PCBP3: variants seen among roughly 807,000 people sequenced by gnomAD.
The protein encoded by PCBP3 is poly(rC) binding protein 3.
In PCBP3, 25 loss-of-function variants were observed where a neutral mutation model predicts 52.7. That is an observed-to-expected ratio of 0.47 (90% CI 0.35 to 0.66). PCBP3 has a LOEUF of 0.66. Among genes scored for constraint, PCBP3 ranks in the 30% least tolerant of loss-of-function variants. The pLI is 0.01. For missense variants in PCBP3, 391 were observed against 490.3 expected (o/e 0.80, Z 1.91); for synonymous variants, 162 against 183.0 (o/e 0.89, Z 0.93).
At chr21:45,854,887 A>T (rs2094208831) in intron 5 of PCBP3, among the ~76,000 whole-genome samples, 1 of 152,180 alleles carries the variant, frequency 6.6e-6, no homozygotes, top group South Asian at 2.1e-4. Context: ...GTGGTCTGAG[A>T]AGTAAGTAGC....
At chr21:45,728,057 A>G (rs2085187980) in intron 2 of PCBP3, among the ~76,000 whole-genome samples, 1 of 152,070 alleles carries the variant, frequency 6.6e-6, no homozygotes, top group Non-Finnish European at 1.5e-5. Context: ...CAAATTCTAG[A>G]ATTAGATTAG....
intron 5 of PCBP3, among the ~76,000 whole-genome samples, chr21:45,867,422 G>A (rs1569371922): frequency 6.6e-6 from 1 of 152,236 alleles, no homozygotes; most frequent in African/African-American, 2.4e-5. Flanking sequence ...GACCTGACAC[G>A]GGCGTGCGGG....
At chr21:45,676,743 G>C (rs935727032) in intron 2 of PCBP3, among the ~76,000 whole-genome samples, 3 of 151,968 alleles carry the variant, frequency 2.0e-5, no homozygotes, top group Non-Finnish European at 4.4e-5. Flanking sequence ...CAGGTGAAAG[G>C]AAGGGTTGCA....
At chr21:45,815,524 A>G (rs377491999) in intron 4 of PCBP3, among the ~76,000 whole-genome samples, 33 of 26,628 alleles carry the variant, frequency 1.2e-3, no homozygotes, top group African/African-American at 1.6e-3. Context: ...GTGGTGAGTG[A>G]TGAGTGAGTG....
At chr21:45,764,153 G>C (rs1363372138) in intron 4 of PCBP3, among the ~76,000 whole-genome samples, 2 of 101,420 alleles carry the variant, frequency 2.0e-5, no homozygotes, top group Non-Finnish European at 3.9e-5. Flanking sequence ...ATGAAGTTTT[G>C]CTCTTGTTGC....
At chr21:45,931,218 G>C (rs1031839437) in intron 15 of PCBP3, among the ~76,000 whole-genome samples, 1 of 152,256 alleles carries the variant, frequency 6.6e-6, no homozygotes, top group African/African-American at 2.4e-5. Context: ...TCATTCCTCA[G>C]ATACTGTGGG....
chr21:45,937,908 G>C (rs2077049483), intron 16 of PCBP3, among the ~76,000 whole-genome samples: 1 of 152,248 alleles, frequency 6.6e-6, no homozygotes, highest in African/African-American at 2.4e-5. Context: ...GGCATGCCCT[G>C]GCTGCTCAAT....
chr21:45,733,064 T>A (rs1487576900), intron 2 of PCBP3, among the ~76,000 whole-genome samples: 2 of 152,244 alleles, frequency 1.3e-5, no homozygotes. Context: ...GTAGTTTCTG[T>A]CTGCACAGAT....
chr21:45,782,605 T>C (rs1235174467), intron 4 of PCBP3, among the ~76,000 whole-genome samples: 1 of 152,148 alleles, frequency 6.6e-6, no homozygotes, highest in Admixed American at 6.5e-5. Context: ...AAGTAGGGGA[T>C]CAGAAAAATA....
At chr21:45,789,248 C>T (rs1319718559) in intron 4 of PCBP3, among the ~76,000 whole-genome samples, 3 of 152,060 alleles carry the variant, frequency 2.0e-5, no homozygotes, top group East Asian at 3.9e-4. Flanking sequence ...AGTGTGTGCA[C>T]GTGTGTGTGT....
At position 45,693,663 on chromosome 21, in the gene PCBP3, G is replaced by A. The variant is rs536863369; in HGVS notation, c.-200+24711G>A. On this transcript the variant is annotated intron_variant, in intron 2 of 17. Coordinates refer to ENST00000681687, the MANE Select transcript of PCBP3 (RefSeq NM_001384156.1). Reference sequence around the variant, plus strand: ...AAGATGAAGAATTTCAATGCTGACAGAAAACTGTCAATCTAGAATTCTATA... The same window carrying A: ...AAGATGAAGAATTTCAATGCTGACAAAAAACTGTCAATCTAGAATTCTATA... Among the ~76,000 whole-genome samples, 8 of 152,236 alleles carry A rather than the reference G, an allele frequency of 5.3e-5. No individual in the cohort carries two copies. The South Asian group carries it at 1.7e-3, about 32-fold the overall frequency.
At chr21:45,804,918 C>G (rs1351356838) in intron 4 of PCBP3, among the ~76,000 whole-genome samples, 1 of 151,988 alleles carries the variant, frequency 6.6e-6, no homozygotes, top group East Asian at 1.9e-4. Context: ...CAGAGCTGGG[C>G]ATGGTTGAAA....
chr21:45,800,949 C>T lies in PCBP3; in HGVS notation c.-126+45497C>T, dbSNP rs993096789. ...ATGGGGTGCCTGAGCATGGGGTTCC[C>T]GCCTCCTCCAGGACTTGTTGCCCGT... On this transcript the variant is annotated intron_variant, in intron 4 of 17. Transcript: ENST00000681687. This position sits in a 1 kb window ranked among gnomAD's most constrained non-coding sequence, Gnocchi z 5.3. Among the ~76,000 whole-genome samples the T allele has an allele frequency of 2.6e-5, 4 of 152,198 alleles. No homozygotes were observed. The highest frequency in any genetic ancestry group is 9.7e-5 in the African/African-American group (4 of 41,438).
chr21:45,681,471 T>C (rs965259295), intron 2 of PCBP3, among the ~76,000 whole-genome samples: 7 of 152,206 alleles, frequency 4.6e-5, no homozygotes, highest in Non-Finnish European at 7.3e-5. Flanking sequence ...TACATCCTGA[T>C]AAACCCATTG....
intron 1 of PCBP3, among the ~76,000 whole-genome samples, chr21:45,646,107 C>CTCTGTGTGTGTGTGTGTG (rs1555895746): frequency 1.2e-3 from 101 of 83,814 alleles, no homozygotes; most frequent in South Asian, 4.4e-3. Context: ...CTCTCTCTCT[C>CTCTGTGTGTGTGTGTGTG]TGTGTGTGTG....
intron 4 of PCBP3, among the ~76,000 whole-genome samples, chr21:45,820,985 G>A (rs1159114040): frequency 6.6e-5 from 10 of 152,180 alleles, no homozygotes; most frequent in Non-Finnish European, 2.9e-5. Context: ...TCTGAGGAGT[G>A]CGTTCTGAGA....
intron 5 of PCBP3, among the ~76,000 whole-genome samples, chr21:45,893,530 C>T (rs1045103069): frequency 1.8e-5 from 1 of 56,280 alleles, no homozygotes; most frequent in African/African-American, 1.6e-4. Context: ...GCCTGAGGCA[C>T]ATCTGCAGAT....
At chr21:45,752,758 A>C (rs2087641932) in intron 3 of PCBP3, 1 of 152,002 alleles carries the variant, frequency 6.6e-6, no homozygotes, top group Non-Finnish European at 1.5e-5. Context: ...TGTGTATCTG[A>C]CAATGGAATC....
At chr21:45,804,348 GC>G (rs998194600) in intron 4 of PCBP3, among the ~76,000 whole-genome samples, 3 of 152,092 alleles carry the variant, frequency 2.0e-5, no homozygotes, top group African/African-American at 7.2e-5. Context: ...GCCTCCTAGT[GC>G]CCACACCATC....
Sources: allele counts gnomAD v4.1 joint callset (sites outside exome capture counted in the v4.1 genomes callset), GRCh38; gene constraint gnomAD v4.1.1; non-coding constraint Gnocchi (gnomAD v3.1); transcripts MANE v1.5; gene names NCBI Gene and HGNC (gene_info 2026-07-23, HGNC 2026-07-21).